The following DST variants were observed in gnomAD, a reference collection of about 807,000 sequenced individuals.
The protein encoded by DST is bullous pemphigoid antigen.
Under a neutral mutation model 875.2 loss-of-function variants are expected in DST, and 253 were observed. The ratio of observed to expected loss-of-function variants is 0.29; its 90% CI spans 0.26 to 0.32. DST has a LOEUF of 0.32. Among genes scored for constraint, DST ranks in the 10% least tolerant of loss-of-function variants. DST has a pLI of 1.00. For missense variants in DST, 8,287 were observed against 9,111.6 expected (o/e 0.91, Z 3.68); for synonymous variants, 3,124 against 3,197.1 (o/e 0.98, Z 0.77).
chr6:56,803,724 AC>A (rs1313137154), intron 4 of DST, among the ~76,000 whole-genome samples: 1 of 152,170 alleles, frequency 6.6e-6, no homozygotes, highest in African/African-American at 2.4e-5. Context: ...TACTGTGGTA[AC>A]CCCGACCTTT....
chr6:56,754,620 CT>C (rs1194385154), intron 4 of DST, among the ~76,000 whole-genome samples: 1 of 151,910 alleles, frequency 6.6e-6, no homozygotes, highest in Non-Finnish European at 1.5e-5. Context: ...GATCCAAGAG[CT>C]ATGTAAACAC....
chr6:56,645,355 T>C (rs574323111), intron 15 of DST, among the ~76,000 whole-genome samples: 1 of 152,258 alleles, frequency 6.6e-6, no homozygotes, highest in East Asian at 1.9e-4. Flanking sequence ...CTAGTGATGA[T>C]TTCATGGAGT....
intron 4 of DST, among the ~76,000 whole-genome samples, chr6:56,825,502 TAA>T (rs749148452): frequency 2.4e-4 from 26 of 109,312 alleles, no homozygotes; most frequent in Non-Finnish European, 3.2e-4. Flanking sequence ...CAATAAATAC[TAA>T]AAAAAAAAAA....
rs77979440 is a variant in DST at position 56,745,401 on chromosome 6, G to A, written c.626-10112C>T. On this transcript the variant is annotated intron_variant, in intron 4 of 103. Transcript: ENST00000680361. ...TCTTCTTGCACATTTCAAGAGAAGT[G>A]TGGAAATAACAAGTCCAACACACAG... is the stretch of plus-strand genomic sequence containing the variant. Among the ~76,000 whole-genome samples the A allele has an allele frequency of 7.8e-3, 1,182 of 152,276 alleles. 16 individuals are homozygous for A. The highest frequency in any genetic ancestry group is 0.027 in the African/African-American group (1,119 of 41,546).
At chr6:56,581,054 A>T (rs1319345406) in intron 49 of DST, among the ~76,000 whole-genome samples, 9 of 55,888 alleles carry the variant, frequency 1.6e-4, no homozygotes, top group African/African-American at 4.4e-4. Context: ...CATTTATTAA[A>T]AAAAAAAAAA....
chr6:56,607,519 T>C lies in DST; in HGVS notation c.7109A>G (p.Glu2370Gly). The C allele has an allele frequency of 6.2e-7, 1 of 1,601,514 alleles. No individual in the cohort carries two copies. Residue 2370 changes from glutamate to glycine, a missense_variant, in exon 40 of 104, where the codon GAA becomes GGA. Transcript: ENST00000680361. The stretch of plus-strand genomic sequence containing the variant: ...ATTTGTTTCCACTCGGCTTTGATTT[T>C]CATAGTTTGTAAGTATGTTTTCAGA... Reference protein sequence around the residue: ...SDSENILTNYENQSRVETNER... With the variant: ...SDSENILTNYGNQSRVETNER...
chr6:56,883,245 G>A (rs979240468), intron 3 of DST, among the ~76,000 whole-genome samples: 2 of 152,182 alleles, frequency 1.3e-5, no homozygotes, highest in African/African-American at 2.4e-5. Context: ...AACAAAAACA[G>A]TAGTCTTGCG....
At chr6:56,585,317 T>A (rs1422344482) in intron 49 of DST, among the ~76,000 whole-genome samples, 11 of 152,328 alleles carry the variant, frequency 7.2e-5, no homozygotes, top group Admixed American at 3.3e-4. Context: ...CCTGGTTTAG[T>A]CTTGGGAGAG....
Position 56,605,692 on chromosome 6 carries a change from T to C in DST, c.8936A>G (p.Lys2979Arg), listed in dbSNP as rs2098488819. 6.2e-7 allele frequency: 1 copy of C among 1,612,936 alleles called. No individual in the cohort carries two copies. Among genetic ancestry groups the C allele is most frequent in the East Asian group, 2.2e-5 (1 of 44,822 alleles). ...LPELTDSVKGKDEYFKNMTPK... is the reference protein window; with the variant it reads ...LPELTDSVKGRDEYFKNMTPK... ...TGTCATATTCTTAAAATATTCATCT[T>C]TACCTTTCACAGAATCAGTCAATTC... is the stretch of plus-strand genomic sequence containing the variant. Residue 2979 changes from lysine (K) to arginine (R), a missense_variant, in exon 40 of 104, where the codon AAA becomes AGA. Coordinates refer to ENST00000680361, the MANE Select transcript of DST (RefSeq NM_001374736.1).
chr6:56,869,977 G>A (rs1283726418), intron 3 of DST, among the ~76,000 whole-genome samples: 3 of 151,840 alleles, frequency 2.0e-5, no homozygotes, highest in African/African-American at 7.3e-5. Context: ...TGAGCCACCC[G>A]CACCCAGCTG....
At chr6:56,535,807 C>G (rs2096985463) in intron 62 of DST, among the ~76,000 whole-genome samples, 1 of 152,130 alleles carries the variant, frequency 6.6e-6, no homozygotes, top group African/African-American at 2.4e-5. Context: ...TTTCAACAAA[C>G]CAGGCCCTTT....
intron 4 of DST, among the ~76,000 whole-genome samples, chr6:56,756,713 C>T (rs1307839236): frequency 1.3e-5 from 2 of 152,140 alleles, no homozygotes; most frequent in Non-Finnish European, 2.9e-5. Flanking sequence ...GGAGACTGTT[C>T]GATTTGCCAC....
At chr6:56,502,853 C>T (rs985989447) in intron 78 of DST, among the ~76,000 whole-genome samples, 1 of 152,080 alleles carries the variant, frequency 6.6e-6, no homozygotes, top group African/African-American at 2.4e-5. Flanking sequence ...AATATTTTCA[C>T]ATAAAATCTA....
intron 8 of DST, among the ~76,000 whole-genome samples, chr6:56,701,013 TC>T (rs1243614127): frequency 6.7e-6 from 1 of 148,482 alleles, no homozygotes. Flanking sequence ...AGGGTCTCAT[TC>T]TGTTACCCCG....
At chr6:56,807,060 CT>C (rs1466326235) in intron 4 of DST, among the ~76,000 whole-genome samples, 3 of 151,978 alleles carry the variant, frequency 2.0e-5, no homozygotes, top group East Asian at 1.9e-4. Flanking sequence ...CCCCACTGAC[CT>C]TTTTTTTGAG....
chr6:56,639,657 T>C lies in DST; in HGVS notation c.2697+39A>G, dbSNP rs1377391175. 7 of 1,612,984 alleles carry C rather than the reference T, an allele frequency of 4.3e-6. No individual in the cohort carries two copies. The Admixed American group carries it at 6.7e-5, about 15-fold the overall frequency. ...ATAAGAATCATGTTTTTGCCAAATA[T>C]AGATAAGGGAAACAGAAGGTTTAAA... On this transcript the variant is annotated intron_variant, in intron 20 of 103. Coordinates refer to ENST00000680361, the MANE Select transcript of DST (RefSeq NM_001374736.1).
intron 4 of DST, among the ~76,000 whole-genome samples, chr6:56,782,657 A>G (rs953733367): frequency 2.0e-5 from 3 of 151,610 alleles, no homozygotes; most frequent in South Asian, 2.1e-4. Flanking sequence ...AATTTTGTTG[A>G]TCCTTTCAAA....
At chr6:56,465,757 C>CA (rs2094546751) in intron 99 of DST, among the ~76,000 whole-genome samples, 1 of 149,158 alleles carries the variant, frequency 6.7e-6, no homozygotes, top group Admixed American at 6.8e-5. Flanking sequence ...TCATAACAGA[C>CA]AAAATCCTTT....
chr6:56,776,714 CTT>C (rs887127643), intron 4 of DST, among the ~76,000 whole-genome samples: 1 of 152,074 alleles, frequency 6.6e-6, no homozygotes, highest in African/African-American at 2.4e-5. Flanking sequence ...GGACTGCAGA[CTT>C]AAGATTCACA....
Sources: allele counts gnomAD v4.1 joint callset (sites outside exome capture counted in the v4.1 genomes callset), GRCh38; gene constraint gnomAD v4.1.1; transcripts MANE v1.5; gene names NCBI Gene and HGNC (gene_info 2026-07-23, HGNC 2026-07-21).